The following DCLK2 variants were observed in gnomAD, a reference collection of about 807,000 sequenced individuals.
DCLK2 encodes the protein doublecortin like kinase 2, also known as serine/threonine-protein kinase DCLK2.
DCLK2 carries 31 observed loss-of-function variants against 78.4 expected under a neutral mutation model. That is an observed-to-expected ratio of 0.40 (90% CI 0.30 to 0.53). The LOEUF is 0.53. Ranked by LOEUF, DCLK2 falls within the 20% of genes least tolerant of loss-of-function variation. The pLI is 0.61. For synonymous variants in DCLK2, 407 were observed against 374.9 expected, an observed-to-expected ratio of 1.09 and a Z score of -0.99; for missense variants, 872 against 973.7, an observed-to-expected ratio of 0.90 and a Z score of 1.39.
intron 2 of DCLK2, among the ~76,000 whole-genome samples, chr4:150,167,220 G>GGCA (rs1736158448): frequency 6.6e-6 from 1 of 152,234 alleles, no homozygotes; most frequent in African/African-American, 2.4e-5. Context: ...TCGGAAGCCT[G>GGCA]GCAGCAGGCC....
chr4:150,115,814 C>G (rs1732039689), intron 2 of DCLK2, among the ~76,000 whole-genome samples: 1 of 152,158 alleles, frequency 6.6e-6, no homozygotes, highest in African/African-American at 2.4e-5. Flanking sequence ...CTCAGTTGAA[C>G]AGTTCAGACT....
chr4:150,154,806 G>A (rs1735147637), intron 2 of DCLK2, among the ~76,000 whole-genome samples: 2 of 152,142 alleles, frequency 1.3e-5, no homozygotes, highest in South Asian at 2.1e-4. Flanking sequence ...GCAATAAAAT[G>A]TACCAATTTT....
intron 2 of DCLK2, among the ~76,000 whole-genome samples, chr4:150,107,484 C>T (rs1731350494): frequency 6.6e-6 from 1 of 150,618 alleles, no homozygotes; most frequent in African/African-American, 2.5e-5. Context: ...TCAAGTGATC[C>T]TCCCACTTCA....
At chr4:150,246,212 T>C (rs561646716) in intron 12 of DCLK2, among the ~76,000 whole-genome samples, 1 of 152,010 alleles carries the variant, frequency 6.6e-6, no homozygotes, top group Non-Finnish European at 1.5e-5. Context: ...GCCTGGCTGA[T>C]TTTTTTGTAT....
intron 12 of DCLK2, among the ~76,000 whole-genome samples, chr4:150,242,348 T>C (rs1243110365): frequency 1.3e-5 from 2 of 152,218 alleles, no homozygotes; most frequent in African/African-American, 4.8e-5. Context: ...GGAGTTTTTG[T>C]AGGTGGAAAG....
At chr4:150,229,032 CAAAAAAAAAACA>C (rs1741833954) in intron 8 of DCLK2, among the ~76,000 whole-genome samples, 1 of 103,726 alleles carries the variant, frequency 9.6e-6, no homozygotes. Context: ...GACTCCGTCT[CAAAAAAAAAACA>C]AAAAAAAAAA....
chr4:150,100,066 C>A (rs1476654167), intron 1 of DCLK2, among the ~76,000 whole-genome samples: 7 of 152,052 alleles, frequency 4.6e-5, no homozygotes, highest in African/African-American at 1.7e-4. Flanking sequence ...ATGTGTGCCA[C>A]CATGTCCTGC....
chr4:150,242,632 G>T (rs1743011851), intron 12 of DCLK2, among the ~76,000 whole-genome samples: 1 of 152,170 alleles, frequency 6.6e-6, no homozygotes, highest in Non-Finnish European at 1.5e-5. Context: ...ACTTGGCCCT[G>T]TGCTTTCATC....
chr4:150,228,773 T>C (rs1048388357), intron 8 of DCLK2, among the ~76,000 whole-genome samples: 11 of 152,242 alleles, frequency 7.2e-5, no homozygotes, highest in Admixed American at 5.2e-4. Flanking sequence ...ACGCCTGTAA[T>C]CCCAGCACTT....
chr4:150,154,952 G>T (rs1194040621), intron 2 of DCLK2, among the ~76,000 whole-genome samples: 1 of 152,168 alleles, frequency 6.6e-6, no homozygotes, highest in Non-Finnish European at 1.5e-5. Flanking sequence ...GTAGCTGGTT[G>T]GGTGTGGTGG....
At chr4:150,147,605 T>A (rs1372762803) in intron 2 of DCLK2, among the ~76,000 whole-genome samples, 2 of 152,246 alleles carry the variant, frequency 1.3e-5, no homozygotes, top group African/African-American at 4.8e-5. Flanking sequence ...TCATTCCTTA[T>A]AATGTAAATT....
chr4:150,234,421 G>A (rs1047938404), intron 10 of DCLK2, among the ~76,000 whole-genome samples: 4 of 152,210 alleles, frequency 2.6e-5, no homozygotes, highest in Non-Finnish European at 5.9e-5. Context: ...ATAACGGACA[G>A]CAGAGTATTG....
chr4:150,205,696 A>G (rs901976831), intron 5 of DCLK2, among the ~76,000 whole-genome samples: 1 of 152,236 alleles, frequency 6.6e-6, no homozygotes, highest in Non-Finnish European at 1.5e-5. Context: ...ATTGTTATTA[A>G]TAGAAGTAAC....
intron 15 of DCLK2, among the ~76,000 whole-genome samples, chr4:150,252,331 G>A (rs1035570125): frequency 6.6e-6 from 1 of 152,222 alleles, no homozygotes; most frequent in African/African-American, 2.4e-5. Flanking sequence ...ACCTTAAGAA[G>A]AGAGATTGGT....
chr4:150,124,608 T>C lies in DCLK2; in HGVS notation c.756+21796T>C, dbSNP rs1467950298. Among the ~76,000 whole-genome samples the C allele has an allele frequency of 2.0e-5, 3 of 152,350 alleles. No individual in the cohort carries two copies. The South Asian group carries it at 6.2e-4, about 32-fold the overall frequency. On this transcript the variant is annotated intron_variant, in intron 2 of 15. Coordinates refer to ENST00000296550, the MANE Select transcript of DCLK2 (RefSeq NM_001040260.4). ...TATTTTTGTGGTAAAATATTATGGC[T>C]GTCACATGCCATTTTGAAAATGCAA...
chr4:150,078,720 T>C lies in DCLK2; in HGVS notation c.-308T>C. 4.4e-6 allele frequency: 1 copy of C among 229,648 alleles called. No individual in the cohort carries two copies. The highest frequency in any genetic ancestry group is 8.4e-6 in the Non-Finnish European group (1 of 118,618). 14.2% of individuals were successfully genotyped at this position (229,648 alleles called of 1,614,324 possible). A position where few individuals can be genotyped will look rare whatever the true frequency, so the allele number is the denominator to read the frequency against. ...CTCCCGGTCGGCTCCCGAGCGGGACTTGTGAGGCGTGGCCGGGTGGAGGAG... is the reference window on the plus strand; with the variant it reads ...CTCCCGGTCGGCTCCCGAGCGGGACCTGTGAGGCGTGGCCGGGTGGAGGAG... On this transcript the variant is annotated 5_prime_UTR_variant, in exon 1 of 16. Coordinates refer to ENST00000296550, the MANE Select transcript of DCLK2 (RefSeq NM_001040260.4).
chr4:150,097,025 C>T (rs1158357173), intron 1 of DCLK2, among the ~76,000 whole-genome samples: 1 of 151,998 alleles, frequency 6.6e-6, no homozygotes, highest in Non-Finnish European at 1.5e-5. Context: ...AGAGAAGGAC[C>T]CACGTCCTGT....
intron 2 of DCLK2, among the ~76,000 whole-genome samples, chr4:150,163,756 A>G (rs917493368): frequency 6.6e-6 from 1 of 152,240 alleles, no homozygotes; most frequent in African/African-American, 2.4e-5. Flanking sequence ...CTTAATTTGT[A>G]TCACATTTTT....
chr4:150,228,645 G>A (rs796991902), intron 8 of DCLK2, among the ~76,000 whole-genome samples: 7 of 152,352 alleles, frequency 4.6e-5, no homozygotes, highest in African/African-American at 1.7e-4. Context: ...GTGAGCAGGG[G>A]AGGTGACTTA....
Sources: allele counts gnomAD v4.1 joint callset (sites outside exome capture counted in the v4.1 genomes callset), GRCh38; gene constraint gnomAD v4.1.1; transcripts MANE v1.5; gene names NCBI Gene and HGNC (gene_info 2026-07-23, HGNC 2026-07-21).